The following HNRNPL variants were observed in gnomAD, a reference collection of about 807,000 sequenced individuals.
HNRNPL encodes the protein epididymis secretory sperm binding protein.
HNRNPL carries 12 observed loss-of-function variants against 64.0 expected under a neutral mutation model. The ratio of observed to expected loss-of-function variants is 0.19; its 90% CI spans 0.12 to 0.30. HNRNPL has a LOEUF of 0.30. Among genes scored for constraint, HNRNPL ranks in the 10% least tolerant of loss-of-function variants. HNRNPL has a pLI of 1.00. For synonymous variants in HNRNPL, 385 were observed against 313.0 expected (o/e 1.23, Z -2.43); for missense variants, 484 against 797.4 (o/e 0.61, Z 4.73).
rs753782137 is a variant in HNRNPL, at chr19:38,849,923, C to T, written c.44G>A (p.Arg15Gln). The T allele has an allele frequency of 1.5e-6, 2 of 1,330,016 alleles. No individual in the cohort carries two copies. The highest frequency in any genetic ancestry group is 2.3e-5 in the Admixed American group (1 of 43,790). The allele number at this position is 1,330,016 out of a possible 1,614,324, so 82.4% of individuals were successfully genotyped here. The change falls in exon 1 of 13, where the codon CGG (arginine) becomes CAG (glutamine). Residue 15 changes from arginine (R) to glutamine (Q), a missense_variant. Arg to Gln is a conservative substitution (Grantham distance 43). Around this residue, in one of 9 missense-constraint regions of HNRNPL, gnomAD observed 190 missense variants for 160.1 expected, o/e 1.19. Coordinates refer to ENST00000221419, the MANE Select transcript of HNRNPL (RefSeq NM_001533.3). ...LLPRAEKRRR[R>Q]LEQRQQPDEQ... ...GTCCGGCTGCTGCCTCTGCTCCAGC[C>T]GCCGACGCCGCTTCTCCGCCCGGGG...
chr19:38,844,188 A>C (rs2145424721), intron 4 of HNRNPL, 84 bp from the exon 5 acceptor site: 1 of 887,304 alleles, frequency 1.1e-6, no homozygotes, highest in Non-Finnish European at 1.9e-6. Context: ...AGGACAAGGT[A>C]GCACCCCAAG....
At chr19:38,843,113 G>A (rs932884112) in intron 6 of HNRNPL, among the ~76,000 whole-genome samples, 2 of 152,012 alleles carry the variant, frequency 1.3e-5, no homozygotes, top group East Asian at 1.9e-4. Flanking sequence ...TGTCAGCATC[G>A]AGCCTCCTCC....
intron 7 of HNRNPL, 43 bp from the exon 8 acceptor site, chr19:38,840,419 T>C (rs1201899321): frequency 6.4e-7 from 1 of 1,566,536 alleles, no homozygotes; most frequent in South Asian, 1.2e-5. Flanking sequence ...GGTGAGAATT[T>C]GCACGGCGGG....
At chr19:38,851,994 T>A (rs1357728622), upstream of HNRNPL, among the ~76,000 whole-genome samples, 7 of 150,612 alleles carry the variant, frequency 4.6e-5, no homozygotes, top group Non-Finnish European at 8.9e-5. Flanking sequence ...GCGGGGTCGC[T>A]CCGTCCCAAC....
At chr19:38,851,006 C>G (rs1568377932), upstream of HNRNPL, 1 of 152,452 alleles carries the variant, frequency 6.6e-6, no homozygotes, top group Non-Finnish European at 1.5e-5. Flanking sequence ...ATTAACAGGT[C>G]CCTGCCATCC....
chr19:38,842,979 G>A (rs1972165153), intron 6 of HNRNPL, among the ~76,000 whole-genome samples: 1 of 152,202 alleles, frequency 6.6e-6, no homozygotes, highest in Non-Finnish European at 1.5e-5. Context: ...CAGGCCCACA[G>A]GGCCCACTGT....
At position 38,836,675 on chromosome 19, in the gene HNRNPL, AAG is replaced by A. The variant is rs776208844; in HGVS notation, c.*45_*46del. The A allele has an allele frequency of 1.1e-5, 14 of 1,304,390 alleles. No individual in the cohort carries two copies. Among genetic ancestry groups the A allele is most frequent in the African/African-American group, 3.0e-5 (2 of 66,974 alleles). 80.8% of individuals were successfully genotyped at this position (1,304,390 alleles called of 1,614,324 possible). On this transcript the variant is annotated 3_prime_UTR_variant, in exon 13 of 13. Transcript: ENST00000221419. ...CAAAAACAAAAAATGGCATAAAGGA[AAG>A]AGAAATGTCTTCCTGCTCAGATGGG...
rs1421737849 is a variant in HNRNPL, at chr19:38,836,881, C to T, written c.1712-101G>A. On this transcript the variant is annotated intron_variant, in intron 12 of 12. Transcript: ENST00000221419. ...CCATCTCCCATTTTCTGCAGGTCAA[C>T]GGCAGGGGTCTAAGGAGTGACTGCC... 33 of 815,038 alleles carry T rather than the reference C, an allele frequency of 4.0e-5. 1 individual carries two copies. Among genetic ancestry groups the T allele is most frequent in the Non-Finnish European group, 6.6e-5 (32 of 484,876 alleles). The allele number at this position is 815,038 out of a possible 1,614,324, so 50.5% of individuals were successfully genotyped here.
chr19:38,847,904 T>C (rs1393884556), intron 1 of HNRNPL, among the ~76,000 whole-genome samples: 1 of 152,124 alleles, frequency 6.6e-6, no homozygotes, highest in African/African-American at 2.4e-5. Flanking sequence ...GCCACCATCA[T>C]CTAGCTAAGC....
At chr19:38,848,729 T>A (rs2145437953) in intron 1 of HNRNPL, among the ~76,000 whole-genome samples, 1 of 152,298 alleles carries the variant, frequency 6.6e-6, no homozygotes, top group Admixed American at 6.5e-5. Flanking sequence ...GTAATTCACC[T>A]CATCTCATCT....
At chr19:38,847,959 AAAC>A (rs1286607661) in intron 1 of HNRNPL, among the ~76,000 whole-genome samples, 2 of 152,146 alleles carry the variant, frequency 1.3e-5, no homozygotes, top group Non-Finnish European at 2.9e-5. Flanking sequence ...TCAGGGCAAA[AAAC>A]AACACATGCC....
Position 38,836,598 on chromosome 19 carries a change from TAAAAAAAAAAAAAAAAAA to T in HNRNPL, c.*106_*123del. The T allele has an allele frequency of 7.4e-6, 1 of 135,538 alleles. No homozygotes were observed. Among genetic ancestry groups the T allele is most frequent in the Non-Finnish European group, 1.3e-5 (1 of 76,108 alleles). The allele number at this position is 135,538 out of a possible 1,614,324, so 8.4% of individuals were successfully genotyped here. A position where few individuals can be genotyped will look rare whatever the true frequency, so the allele number is the denominator to read the frequency against. ...AGTAAGCCTCTACAAACCTAGCATT[TAAAAAAAAAAAAAAAAAA>T]AAAAAAAAGGAATACAAGATCTTTT... is the stretch of plus-strand genomic sequence containing the variant. On this transcript the variant is annotated 3_prime_UTR_variant, in exon 13 of 13. Coordinates refer to ENST00000221419, the MANE Select transcript of HNRNPL (RefSeq NM_001533.3).
Position 38,845,967 on chromosome 19 carries a change from A to G in HNRNPL, c.510T>C (p.Phe170=), listed in dbSNP as rs1482101384. The part of the protein sequence containing the change: ...NQIYIAGHPA[F]VNYSTSQKIS... ...TCTTCTGGCTGGTAGAGTAGTTGAC[A>G]AAAGCTGGGTGACCAGCAATGTATA... The change falls in exon 3 of 13, where the codon TTT becomes TTC. Residue 170 remains phenylalanine, a synonymous_variant. Coordinates refer to ENST00000221419, the MANE Select transcript of HNRNPL (RefSeq NM_001533.3). 1 of 1,614,222 alleles carries G rather than the reference A, an allele frequency of 6.2e-7. No individual in the cohort carries two copies. The highest frequency in any genetic ancestry group is 1.7e-5 in the Admixed American group (1 of 60,030).
At chr19:38,845,600 C>A in intron 4 of HNRNPL, 50 bp downstream of exon 4, 1 of 1,450,958 alleles carries the variant, frequency 6.9e-7, no homozygotes, top group Non-Finnish European at 9.7e-7. Context: ...ACTGTCAAGC[C>A]CTGCAAGAGT....
rs979686914 is a variant in HNRNPL at position 38,838,950 on chromosome 19, G to A, written c.1299C>T (p.Asp433=). 9.9e-6 allele frequency: 16 copies of A among 1,614,006 alleles called. No individual in the cohort carries two copies. The highest frequency in any genetic ancestry group is 1.4e-5 in the Non-Finnish European group (16 of 1,180,032). ...MVEMADGYAV[D]RAITHLNNNF... ...TGTTGTTGAGGTGGGTAATGGCCCG[G>A]TCTACAGCGTAGCCATCAGCCATCT... Residue 433 remains aspartate, a synonymous_variant, in exon 9 of 13, where the codon GAC becomes GAT. Transcript: ENST00000221419.
chr19:38,844,660 C>G (rs1283297383), intron 4 of HNRNPL: 2 of 156,188 alleles, frequency 1.3e-5, no homozygotes, highest in East Asian at 3.8e-4. Context: ...AGTATAAGCT[C>G]CTATTTGCTC....
At chr19:38,849,497 C>T (rs1177698041) in intron 1 of HNRNPL, 6 of 663,500 alleles carry the variant, frequency 9.0e-6, no homozygotes, top group Non-Finnish European at 1.3e-5. Flanking sequence ...CCCCACACCC[C>T]GCTCCGGACC....
intron 9 of HNRNPL, 135 bp downstream of exon 9, chr19:38,838,759 T>C: frequency 7.3e-7 from 1 of 1,360,924 alleles, no homozygotes; most frequent in South Asian, 1.2e-5. Context: ...CAGAGACACG[T>C]CTGGGAACAC....
At chr19:38,836,943 T>C (rs1355668989) in intron 12 of HNRNPL, 163 bp from the exon 13 acceptor site, 1 of 582,518 alleles carries the variant, frequency 1.7e-6, no homozygotes, top group Non-Finnish European at 3.1e-6. Context: ...TTACCAATTA[T>C]GCACGGCGTT....
Sources: gnomAD v4.1 joint callset for allele counts (sites outside exome capture counted in the v4.1 genomes callset) on GRCh38, gnomAD v4.1.1 for gene constraint, gnomAD v4.1.1 regional missense constraint, MANE v1.5 for transcripts, NCBI Gene and HGNC (gene_info 2026-07-23, HGNC 2026-07-21) for gene names.